Variants in GRIA2 observed in about 807,000 individuals in gnomAD.
GRIA2 encodes the protein glutamate ionotropic receptor AMPA type subunit 2, also known as glutamate receptor 2.
In GRIA2, 14 loss-of-function variants were observed where a neutral mutation model predicts 97.3. That is an observed-to-expected ratio of 0.14 (90% CI 0.10 to 0.23). The LOEUF is 0.23. Among genes scored for constraint, GRIA2 ranks in the 10% least tolerant of loss-of-function variants. The probability of loss-of-function intolerance (pLI) is 1.00; values close to 1 mark genes in which losing one functional copy is unlikely to be tolerated. For synonymous variants in GRIA2, 412 were observed against 387.8 expected (o/e 1.06, Z -0.73); for missense variants, 558 against 1,069.8 (o/e 0.52, Z 6.67).
At chr4:157,315,257 A>T (rs897181044) in intron 4 of GRIA2, among the ~76,000 whole-genome samples, 1 of 152,074 alleles carries the variant, frequency 6.6e-6, no homozygotes, top group Non-Finnish European at 1.5e-5. Context: ...TACTAATGGG[A>T]TACACTATAA....
At chr4:157,302,314 A>T (rs1002133607) in intron 2 of GRIA2, among the ~76,000 whole-genome samples, 1 of 152,126 alleles carries the variant, frequency 6.6e-6, no homozygotes, top group African/African-American at 2.4e-5. Context: ...AAAAGATATT[A>T]CTGGATTTAT....
chr4:157,333,093 A>G (rs1735130300), intron 7 of GRIA2, 107 bp downstream of exon 7: 4 of 1,005,740 alleles, frequency 4.0e-6, no homozygotes, highest in Non-Finnish European at 5.8e-6. Context: ...ATATACAGGC[A>G]ATGTTCTTTT....
chr4:157,310,382 C>T lies in GRIA2; in HGVS notation c.470-2297C>T, dbSNP rs12331794. On this transcript the variant is annotated intron_variant, in intron 3 of 15. Transcript: ENST00000264426. ...TTTTTTCAGCATGTGGTTCAATCTT[C>T]CATTCTGAAATAAAAATAAATTATT... 8.8e-3 allele frequency among the ~76,000 whole-genome samples: 1,332 copies of T among 151,990 alleles called. 26 individuals carry two copies. Among genetic ancestry groups the T allele is most frequent in the African/African-American group, 0.031 (1,276 of 41,474 alleles).
intron 12 of GRIA2, among the ~76,000 whole-genome samples, chr4:157,357,788 T>A (rs1169617937): frequency 1.3e-5 from 2 of 152,248 alleles, no homozygotes; most frequent in Non-Finnish European, 2.9e-5. Flanking sequence ...AGGTCCATTT[T>A]TTTTCTAGAT....
intron 2 of GRIA2, among the ~76,000 whole-genome samples, chr4:157,232,479 T>A (rs1013079062): frequency 2.0e-5 from 3 of 152,198 alleles, no homozygotes; most frequent in Non-Finnish European, 4.4e-5. Flanking sequence ...ATGGGAGAAT[T>A]TTGGCTTTAT....
At chr4:157,250,563 A>G (rs1200664960) in intron 2 of GRIA2, among the ~76,000 whole-genome samples, 3 of 152,120 alleles carry the variant, frequency 2.0e-5, no homozygotes, top group African/African-American at 7.2e-5. Context: ...AGATTCAAAG[A>G]TATAAATGGG....
intron 2 of GRIA2, among the ~76,000 whole-genome samples, chr4:157,244,039 G>C (rs1413489135): frequency 6.6e-6 from 1 of 152,060 alleles, no homozygotes; most frequent in Non-Finnish European, 1.5e-5. Context: ...GGTAGGCTGA[G>C]TGAGGAAGGT....
At position 157,354,995 on chromosome 4, in the gene GRIA2, C is replaced by G. The variant is rs140832881; in HGVS notation, c.2044-4901C>G. On this transcript the variant is annotated intron_variant, in intron 12 of 15. Transcript: ENST00000264426. ...GCATGCAGTGGCTCCAGGGAAGACCCTAACCTTCTGAAATAAAAACTTACA... is the reference window on the plus strand; with the variant it reads ...GCATGCAGTGGCTCCAGGGAAGACCGTAACCTTCTGAAATAAAAACTTACA... 3.3e-5 allele frequency among the ~76,000 whole-genome samples: 5 copies of G among 152,226 alleles called. No individual in the cohort carries two copies. The East Asian group carries it at 9.7e-4, about 29-fold the overall frequency.
chr4:157,292,087 C>A (rs1489587046), intron 2 of GRIA2, among the ~76,000 whole-genome samples: 1 of 151,772 alleles, frequency 6.6e-6, no homozygotes, highest in East Asian at 1.9e-4. Flanking sequence ...TTAATCTCTG[C>A]CAATTAGTTT....
At chr4:157,253,271 C>A (rs1731094422) in intron 2 of GRIA2, among the ~76,000 whole-genome samples, 1 of 151,918 alleles carries the variant, frequency 6.6e-6, no homozygotes, top group South Asian at 2.1e-4. Flanking sequence ...CACACACCAC[C>A]ACACCTAGCT....
intron 1 of GRIA2, chr4:157,221,354 A>G (rs1010988877): frequency 8.9e-6 from 5 of 561,568 alleles, no homozygotes; most frequent in Admixed American, 3.4e-5. Context: ...CGGATCCCCA[A>G]ATTTTATTAA....
intron 2 of GRIA2, among the ~76,000 whole-genome samples, chr4:157,234,421 A>G (rs897035138): frequency 3.9e-5 from 6 of 152,132 alleles, no homozygotes; most frequent in African/African-American, 1.4e-4. Context: ...ACTAGTGAAC[A>G]TGTACATTTT....
chr4:157,324,823 T>C (rs1049155873), intron 6 of GRIA2, among the ~76,000 whole-genome samples: 1 of 152,204 alleles, frequency 6.6e-6, no homozygotes, highest in African/African-American at 2.4e-5. Context: ...TAGGAGATTA[T>C]ATAGCACCCT....
intron 5 of GRIA2, among the ~76,000 whole-genome samples, chr4:157,320,988 T>G (rs1734535935): frequency 6.6e-6 from 1 of 152,170 alleles, no homozygotes; most frequent in African/African-American, 2.4e-5. Flanking sequence ...ATTTTGAAGA[T>G]GTTCCTATCA....
At chr4:157,276,947 G>A (rs756804728) in intron 2 of GRIA2, among the ~76,000 whole-genome samples, 73 of 151,768 alleles carry the variant, frequency 4.8e-4, no homozygotes, top group Non-Finnish European at 8.5e-4. Context: ...AAAGCACCAG[G>A]CCCAGATAAG....
At chr4:157,323,700 G>T (rs1195579509) in intron 6 of GRIA2, among the ~76,000 whole-genome samples, 1 of 152,180 alleles carries the variant, frequency 6.6e-6, no homozygotes, top group African/African-American at 2.4e-5. Context: ...GTCGTATCAT[G>T]ATTCAAGTTA....
At chr4:157,316,630 C>CA (rs1489067405) in intron 4 of GRIA2, among the ~76,000 whole-genome samples, 1 of 151,772 alleles carries the variant, frequency 6.6e-6, no homozygotes, top group African/African-American at 2.4e-5. Context: ...TCCCTGTGAA[C>CA]AAAAAAACCT....
chr4:157,286,695 G>A (rs1444595734), intron 2 of GRIA2, among the ~76,000 whole-genome samples: 1 of 151,382 alleles, frequency 6.6e-6, no homozygotes, highest in East Asian at 1.9e-4. Flanking sequence ...TTTAGTGGTT[G>A]ATTTTGGTAT....
intron 12 of GRIA2, among the ~76,000 whole-genome samples, chr4:157,348,458 C>G (rs993445779): frequency 3.9e-5 from 6 of 152,092 alleles, no homozygotes; most frequent in African/African-American, 1.4e-4. Context: ...AGGCTGGTCT[C>G]GAGCTCCTGG....
Sources: gnomAD v4.1 joint callset for allele counts (sites outside exome capture counted in the v4.1 genomes callset) on GRCh38, gnomAD v4.1.1 for gene constraint, MANE v1.5 for transcripts, NCBI Gene and HGNC (gene_info 2026-07-23, HGNC 2026-07-21) for gene names.